AHCY: variants seen among roughly 807,000 people sequenced by gnomAD.
AHCY encodes the protein adenosylhomocysteinase.
A neutral mutation model predicts 45.4 loss-of-function variants in AHCY; 24 were observed. The observed-to-expected ratio is 0.53, with a 90% CI of 0.38 to 0.74. The LOEUF is 0.74. Ranked by LOEUF, AHCY falls within the 30% of genes least tolerant of loss-of-function variation. The pLI is 0.00. For missense variants in AHCY, 449 were observed against 594.1 expected, an observed-to-expected ratio of 0.76 and a Z score of 2.54; for synonymous variants, 245 against 235.1, an observed-to-expected ratio of 1.04 and a Z score of -0.39.
At chr20:34,274,899 A>G in the AHCY span, among the ~76,000 whole-genome samples, 1 of 152,144 alleles carries the variant, frequency 6.6e-6, no homozygotes, top group South Asian at 2.1e-4. Flanking sequence ...GGCTGCAGTG[A>G]GCCATGAATG....
chr20:34,261,815 T>A, the AHCY span, among the ~76,000 whole-genome samples: 2 of 151,720 alleles, frequency 1.3e-5, no homozygotes, highest in South Asian at 2.1e-4. Flanking sequence ...AGAAATTTTT[T>A]AATAAATAAA....
upstream of AHCY, among the ~76,000 whole-genome samples, chr20:34,306,079 C>CAAAAAAAAAAAAAAAA (rs56039506): frequency 9.7e-6 from 1 of 103,104 alleles, no homozygotes; most frequent in Non-Finnish European, 2.0e-5. Flanking sequence ...AAGACTGCCT[C>CAAAAAAAAAAAAAAAA]AAAAAAAAAA....
the AHCY span, among the ~76,000 whole-genome samples, chr20:34,257,803 T>G: frequency 4.6e-5 from 7 of 152,190 alleles, no homozygotes; most frequent in Non-Finnish European, 8.8e-5. Flanking sequence ...TGAGAAATAT[T>G]ATTGGCACAT....
At chr20:34,307,240 C>G (rs1423346982), upstream of AHCY, among the ~76,000 whole-genome samples, 1 of 151,788 alleles carries the variant, frequency 6.6e-6, no homozygotes, top group Non-Finnish European at 1.5e-5. Context: ...AGGTGCATGT[C>G]GCTACCACCC....
chr20:34,235,908 A>G, the AHCY span, among the ~76,000 whole-genome samples: 1 of 113,828 alleles, frequency 8.8e-6, no homozygotes, highest in African/African-American at 5.8e-5. Flanking sequence ...GAAAGGAAGG[A>G]AGGAAGGAAG....
At chr20:34,274,030 G>A in the AHCY span, among the ~76,000 whole-genome samples, 1 of 152,084 alleles carries the variant, frequency 6.6e-6, no homozygotes. Flanking sequence ...TTTTGCCTGG[G>A]GAGCCCAGCA....
At chr20:34,289,626 C>T (rs942185723) in intron 8 of AHCY, among the ~76,000 whole-genome samples, 8 of 151,668 alleles carry the variant, frequency 5.3e-5, no homozygotes, top group South Asian at 2.1e-4. Flanking sequence ...TACAGGTGCC[C>T]GCCACCACAC....
intron 1 of AHCY, chr20:34,301,847 T>C: frequency 1.0e-6 from 1 of 985,482 alleles, no homozygotes. Flanking sequence ...TCTTTGCAAG[T>C]CACCTCCCAA....
the AHCY span, among the ~76,000 whole-genome samples, chr20:34,269,673 G>A: frequency 6.6e-6 from 1 of 151,940 alleles, no homozygotes; most frequent in South Asian, 2.1e-4. Context: ...GGCCAAGCGC[G>A]GTGGCTCACG....
chr20:34,275,988 G>A (rs562809408), downstream of AHCY, among the ~76,000 whole-genome samples: 15 of 152,138 alleles, frequency 9.9e-5, no homozygotes, highest in South Asian at 2.1e-4. Context: ...GCTGCACCCG[G>A]TCTGTGTTGG....
intron 8 of AHCY, among the ~76,000 whole-genome samples, chr20:34,289,056 T>A (rs875650): frequency 0.72 from 109,486 of 151,958 alleles, 43,962 homozygotes; most frequent in Non-Finnish European, 0.89. Context: ...CAGGCTGGAG[T>A]GCAATGGCGC....
At chr20:34,288,492 GC>G (rs2036260449) in intron 8 of AHCY, among the ~76,000 whole-genome samples, 1 of 152,004 alleles carries the variant, frequency 6.6e-6, no homozygotes, top group South Asian at 2.1e-4. Flanking sequence ...ACACAGCAAG[GC>G]CTCGTCTCTA....
At chr20:34,306,308 A>G (rs1293780336), upstream of AHCY, among the ~76,000 whole-genome samples, 1 of 152,004 alleles carries the variant, frequency 6.6e-6, no homozygotes, top group South Asian at 2.1e-4. Context: ...CTCTAGCAGC[A>G]GAATGTTCTA....
chr20:34,303,819 C>A (rs1056789628), upstream of AHCY, among the ~76,000 whole-genome samples: 11 of 152,072 alleles, frequency 7.2e-5, no homozygotes, highest in Non-Finnish European at 2.9e-5. Flanking sequence ...CACAGTGAGA[C>A]CTGAACTCTA....
chr20:34,260,355 T>C, the AHCY span: 4 of 1,610,532 alleles, frequency 2.5e-6, no homozygotes, highest in Non-Finnish European at 3.4e-6. Flanking sequence ...ACCTTCTCTG[T>C]CCCACTCAGG....
chr20:34,260,582 AG>A, the AHCY span: 15 of 1,539,108 alleles, frequency 9.7e-6, no homozygotes, highest in Non-Finnish European at 1.3e-5. Flanking sequence ...GGGCTGCAGG[AG>A]ATCAAGCATG....
At chr20:34,287,801 G>A (rs1239488235) in intron 8 of AHCY, among the ~76,000 whole-genome samples, 10 of 152,226 alleles carry the variant, frequency 6.6e-5, no homozygotes, top group Admixed American at 6.5e-4. Context: ...AGGAGCTGCA[G>A]TGGGTATTCA....
chr20:34,256,202 G>A, the AHCY span, among the ~76,000 whole-genome samples: 4 of 152,222 alleles, frequency 2.6e-5, no homozygotes, highest in Non-Finnish European at 5.9e-5. Flanking sequence ...TGGTGGACAC[G>A]TGACTTGTGT....
intron 3 of AHCY, among the ~76,000 whole-genome samples, chr20:34,293,162 T>C (rs6120601): frequency 0.011 from 1,673 of 152,218 alleles, 31 homozygotes; most frequent in African/African-American, 0.039. Flanking sequence ...GCCATGACCA[T>C]TATCATCACT....
Sources: allele counts gnomAD v4.1 joint callset (sites outside exome capture counted in the v4.1 genomes callset), GRCh38; gene constraint gnomAD v4.1.1; transcripts MANE v1.5; gene names NCBI Gene and HGNC (gene_info 2026-07-23, HGNC 2026-07-21).